Variants in LINC00305 observed in about 807,000 individuals in gnomAD.
The protein encoded by LINC00305 is long intergenic non-protein coding RNA 305.
chr18:64,148,231 A>G (rs1468642839), intron 1 of LINC00305, among the ~76,000 whole-genome samples: 1 of 151,670 alleles, frequency 6.6e-6, no homozygotes, highest in Non-Finnish European at 1.5e-5. Context: ...GTCTAACCTC[A>G]TGTCTCTCTC....
chr18:64,102,750 T>A (rs955328351), intron 1 of LINC00305, among the ~76,000 whole-genome samples: 8 of 152,124 alleles, frequency 5.3e-5, no homozygotes, highest in Non-Finnish European at 1.0e-4. Flanking sequence ...TCTTACATGG[T>A]CAGAGCAGGA....
At chr18:64,103,787 G>T (rs1434929654) in intron 1 of LINC00305, among the ~76,000 whole-genome samples, 2 of 152,148 alleles carry the variant, frequency 1.3e-5, no homozygotes, top group African/African-American at 4.8e-5. Context: ...TGACCATGCT[G>T]TGTTTATCTA....
chr18:64,142,206 G>C (rs975951231), intron 1 of LINC00305, among the ~76,000 whole-genome samples: 4 of 150,936 alleles, frequency 2.7e-5, no homozygotes, highest in Non-Finnish European at 6.0e-5. Flanking sequence ...TGGAAGAAGA[G>C]AATGTAGTCT....
chr18:64,144,317 C>T (rs529780375), intron 1 of LINC00305, among the ~76,000 whole-genome samples: 212 of 152,190 alleles, frequency 1.4e-3, no homozygotes, highest in Non-Finnish European at 2.6e-3. Flanking sequence ...ATCCTAATCT[C>T]TGGAACCTGT....
intron 1 of LINC00305, among the ~76,000 whole-genome samples, chr18:64,106,833 T>C (rs2051292903): frequency 6.6e-6 from 1 of 152,182 alleles, no homozygotes; most frequent in African/African-American, 2.4e-5. Flanking sequence ...TTCTTTGTGT[T>C]CCTGATTGTG....
chr18:64,097,727 A>G (rs540531787), intron 3 of LINC00305: 6 of 369,392 alleles, frequency 1.6e-5, no homozygotes, highest in South Asian at 1.3e-4. Flanking sequence ...TATCAGAAGT[A>G]ATATTATTTC....
chr18:64,120,561 G>A (rs541728036), intron 1 of LINC00305, among the ~76,000 whole-genome samples: 1 of 151,970 alleles, frequency 6.6e-6, no homozygotes, highest in Admixed American at 6.6e-5. Flanking sequence ...CTTTCTCTTT[G>A]CATTTGTGAG....
chr18:64,129,715 T>C (rs2144266892), intron 1 of LINC00305, among the ~76,000 whole-genome samples: 1 of 152,274 alleles, frequency 6.6e-6, no homozygotes, highest in South Asian at 2.1e-4. Flanking sequence ...ATTATTCTTA[T>C]TTTACATTTT....
intron 3 of LINC00305, among the ~76,000 whole-genome samples, chr18:64,094,354 C>A (rs141585438): frequency 1.3e-5 from 2 of 152,212 alleles, no homozygotes; most frequent in African/African-American, 4.8e-5. Flanking sequence ...CTGGCAGCAC[C>A]CCATGGATAT....
chr18:64,111,476 C>T (rs945422964), intron 1 of LINC00305, among the ~76,000 whole-genome samples: 13 of 152,188 alleles, frequency 8.5e-5, no homozygotes, highest in African/African-American at 2.4e-4. Flanking sequence ...AATAAGCTCC[C>T]TGATACCCTG....
At chr18:64,085,654 T>A (rs1280526747) in intron 3 of LINC00305, among the ~76,000 whole-genome samples, 1 of 152,110 alleles carries the variant, frequency 6.6e-6, no homozygotes, top group Non-Finnish European at 1.5e-5. Flanking sequence ...AGAGATGGGG[T>A]TTCGCTATGT....
intron 1 of LINC00305, among the ~76,000 whole-genome samples, chr18:64,140,697 TTA>T (rs1423112616): frequency 1.3e-5 from 2 of 152,164 alleles, no homozygotes; most frequent in Non-Finnish European, 2.9e-5. Context: ...ACTGCCGTGG[TTA>T]TGTTATGCGA....
intron 1 of LINC00305, among the ~76,000 whole-genome samples, chr18:64,139,106 A>G (rs2051449053): frequency 6.6e-6 from 1 of 152,160 alleles, no homozygotes; most frequent in African/African-American, 2.4e-5. Flanking sequence ...CTCTGCGTGC[A>G]CTCCACCTCC....
intron 1 of LINC00305, among the ~76,000 whole-genome samples, chr18:64,141,087 C>T (rs1056020916): frequency 1.3e-5 from 2 of 150,698 alleles, no homozygotes; most frequent in African/African-American, 2.4e-5. Context: ...ATGATTCTTC[C>T]CTGGAGCCTG....
At chr18:64,141,906 T>C (rs1425747054) in intron 1 of LINC00305, among the ~76,000 whole-genome samples, 1 of 152,246 alleles carries the variant, frequency 6.6e-6, no homozygotes, top group Non-Finnish European at 1.5e-5. Context: ...AAAATATTTA[T>C]GGCATGTTTA....
At chr18:64,113,893 T>G (rs187192588) in intron 1 of LINC00305, among the ~76,000 whole-genome samples, 1 of 152,300 alleles carries the variant, frequency 6.6e-6, no homozygotes, top group Non-Finnish European at 1.5e-5. Context: ...CTCTCAAATA[T>G]CCATTTCTAC....
intron 1 of LINC00305, among the ~76,000 whole-genome samples, chr18:64,146,764 T>C (rs1356323958): frequency 6.6e-6 from 1 of 152,164 alleles, no homozygotes; most frequent in Non-Finnish European, 1.5e-5. Context: ...TTTTAACACA[T>C]GCTGTGGGGG....
intron 3 of LINC00305, among the ~76,000 whole-genome samples, chr18:64,090,635 A>C (rs114617032): frequency 0.011 from 1,641 of 152,334 alleles, 30 homozygotes; most frequent in African/African-American, 0.037. Context: ...AAGTATTCAG[A>C]AAGTGATGTG....
chr18:64,083,395 C>T (rs1023792574), intron 3 of LINC00305, among the ~76,000 whole-genome samples: 2 of 152,140 alleles, frequency 1.3e-5, no homozygotes, highest in Non-Finnish European at 2.9e-5. Context: ...TTCTGATTTC[C>T]GGGAATAGTG....
Sources: gnomAD v4.1 joint callset for allele counts (sites outside exome capture counted in the v4.1 genomes callset) on GRCh38, gnomAD v4.1.1 for gene constraint, MANE v1.5 for transcripts, NCBI Gene and HGNC (gene_info 2026-07-23, HGNC 2026-07-21) for gene names.